The following GLRB variants were observed in gnomAD, a reference collection of about 807,000 sequenced individuals.
The protein encoded by GLRB is glycine receptor subunit beta.
GLRB carries 33 observed loss-of-function variants against 54.2 expected under a neutral mutation model. The observed-to-expected ratio is 0.61, with a 90% CI of 0.46 to 0.81. GLRB has a LOEUF of 0.81. Ranked by LOEUF, GLRB falls within the 40% of genes least tolerant of loss-of-function variation. GLRB has a pLI of 0.00. For synonymous variants in GLRB, 209 were observed against 208.2 expected (o/e 1.00, Z -0.03); for missense variants, 572 against 584.6 (o/e 0.98, Z 0.22).
chr4:157,151,652 A>G (rs1368443238), intron 8 of GLRB, among the ~76,000 whole-genome samples: 1 of 152,092 alleles, frequency 6.6e-6, no homozygotes, highest in African/African-American at 2.4e-5. Context: ...AAATGATGCA[A>G]TTGATATATT....
intron 4 of GLRB, among the ~76,000 whole-genome samples, chr4:157,134,945 A>G (rs557452287): frequency 6.6e-6 from 1 of 152,230 alleles, no homozygotes; most frequent in African/African-American, 2.4e-5. Flanking sequence ...CAGTCATATG[A>G]AGCATATGAA....
chr4:157,153,554 A>T (rs1335987609), intron 9 of GLRB, among the ~76,000 whole-genome samples: 1 of 152,176 alleles, frequency 6.6e-6, no homozygotes, highest in Non-Finnish European at 1.5e-5. Context: ...GCAGTTAGGA[A>T]TCTGTCCCTC....
chr4:157,131,455 A>T (rs548360902), intron 4 of GLRB, among the ~76,000 whole-genome samples: 2 of 151,728 alleles, frequency 1.3e-5, no homozygotes, highest in Non-Finnish European at 3.0e-5. Flanking sequence ...TATCTTTTAT[A>T]TTAGGTTTCA....
chr4:157,136,510 C>A lies in GLRB; in HGVS notation c.339C>A (p.Asp113Glu). Residue 113 changes from aspartate to glutamate, a missense_variant, in exon 5 of 10, where the codon GAC (aspartate) becomes GAA (glutamate). Coordinates refer to ENST00000264428, the MANE Select transcript of GLRB (RefSeq NM_000824.5). Reference protein sequence around the residue: ...VNIFLRQKWNDPRLKLPSDFR... With the variant: ...VNIFLRQKWNEPRLKLPSDFR... ...TCTTCCTGAGACAAAAATGGAATGA[C>A]CCCAGGCTGAAGCTCCCCAGTGATT... 1.2e-6 allele frequency: 2 copies of A among 1,612,172 alleles called. No homozygotes were observed. Among genetic ancestry groups the A allele is most frequent in the Non-Finnish European group, 1.7e-6 (2 of 1,178,382 alleles).
At chr4:157,136,964 A>C in intron 6 of GLRB, 78 bp downstream of exon 6, 2 of 845,024 alleles carry the variant, frequency 2.4e-6, no homozygotes, top group East Asian at 5.0e-5. Flanking sequence ...CTGACATCTT[A>C]GACAACAGTG....
intron 2 of GLRB, among the ~76,000 whole-genome samples, chr4:157,112,168 C>T (rs534881568): frequency 1.8e-4 from 28 of 151,758 alleles, no homozygotes; most frequent in Non-Finnish European, 2.5e-4. Context: ...CCCTGATGCC[C>T]GGGCCACATC....
At chr4:157,127,626 A>T (rs998444945) in intron 4 of GLRB, among the ~76,000 whole-genome samples, 13 of 151,974 alleles carry the variant, frequency 8.6e-5, no homozygotes, top group Middle Eastern at 3.4e-3. Context: ...CAAGTGAACC[A>T]GTGTAATTGA....
intron 8 of GLRB, among the ~76,000 whole-genome samples, chr4:157,146,294 C>T (rs780404075): frequency 6.6e-6 from 1 of 151,460 alleles, no homozygotes; most frequent in African/African-American, 2.4e-5. Flanking sequence ...GGATTACAGG[C>T]GTGAGCCACT....
intron 2 of GLRB, among the ~76,000 whole-genome samples, chr4:157,111,379 A>C (rs777413554): frequency 1.3e-4 from 20 of 151,968 alleles, no homozygotes; most frequent in Non-Finnish European, 5.9e-5. Flanking sequence ...TTTCCAAGAC[A>C]GGAGAGATAG....
chr4:157,126,887 A>G lies in GLRB; in HGVS notation c.297+4490A>G, dbSNP rs571140996. 2.6e-5 allele frequency among the ~76,000 whole-genome samples: 4 copies of G among 152,062 alleles called. No individual in the cohort carries two copies. The South Asian group carries it at 8.3e-4, about 32-fold the overall frequency. ...TTCATGGAAATAAAAGCCTGTTTAT[A>G]CAATCTATTTTCTTTCTTTAGTTTA... On this transcript the variant is annotated intron_variant, in intron 4 of 9. Transcript: ENST00000264428.
chr4:157,160,466 T>G (rs1303725598), intron 9 of GLRB, among the ~76,000 whole-genome samples: 4 of 152,148 alleles, frequency 2.6e-5, no homozygotes, highest in African/African-American at 7.2e-5. Flanking sequence ...CTTGTGGGCA[T>G]TTAGTGCTAT....
chr4:157,083,469 C>T (rs766149307), intron 2 of GLRB, among the ~76,000 whole-genome samples: 41 of 152,022 alleles, frequency 2.7e-4, no homozygotes, highest in African/African-American at 3.1e-4. Context: ...AGTGGAGGTA[C>T]GCAGGCACGT....
intron 6 of GLRB, among the ~76,000 whole-genome samples, chr4:157,137,849 A>T (rs1423804988): frequency 1.3e-5 from 2 of 152,164 alleles, no homozygotes; most frequent in Non-Finnish European, 2.9e-5. Flanking sequence ...CCATTACTGG[A>T]TGCACTAAAA....
chr4:157,084,845 G>T, intron 2 of GLRB: 1 of 333,036 alleles, frequency 3.0e-6, no homozygotes, highest in Non-Finnish European at 5.8e-6. Flanking sequence ...ATTAAGAGAT[G>T]AAATAGATTT....
chr4:157,108,129 C>A (rs947825992), intron 2 of GLRB, among the ~76,000 whole-genome samples: 1 of 152,076 alleles, frequency 6.6e-6, no homozygotes, highest in Non-Finnish European at 1.5e-5. Flanking sequence ...ATTGACAATG[C>A]ACCTGGTCAC....
chr4:157,138,768 A>G (rs763531812), intron 6 of GLRB, 41 bp from the exon 7 acceptor site: 1 of 966,138 alleles, frequency 1.0e-6, no homozygotes, highest in African/African-American at 1.6e-5. Context: ...AAGCATTATT[A>G]ATTATATTTT....
chr4:157,133,918 C>T (rs1736307108), intron 4 of GLRB, among the ~76,000 whole-genome samples: 1 of 151,872 alleles, frequency 6.6e-6, no homozygotes, highest in African/African-American at 2.4e-5. Context: ...AATTTAAAAA[C>T]AAAGCTATTT....
At chr4:157,143,147 C>T (rs576910976) in intron 7 of GLRB, among the ~76,000 whole-genome samples, 14 of 152,154 alleles carry the variant, frequency 9.2e-5, no homozygotes, top group Middle Eastern at 3.4e-3. Context: ...TTATTTCCTT[C>T]AGTTGGAGTA....
chr4:157,085,307 C>T (rs952869575), intron 2 of GLRB, among the ~76,000 whole-genome samples: 7 of 152,018 alleles, frequency 4.6e-5, no homozygotes, highest in Non-Finnish European at 7.4e-5. Flanking sequence ...GTGTTGTGAT[C>T]ATAGCTAACT....
Sources: gnomAD v4.1 joint callset for allele counts (sites outside exome capture counted in the v4.1 genomes callset) on GRCh38, gnomAD v4.1.1 for gene constraint, MANE v1.5 for transcripts, NCBI Gene and HGNC (gene_info 2026-07-23, HGNC 2026-07-21) for gene names.